MARCHF1: variants seen among roughly 807,000 people sequenced by gnomAD.
MARCHF1 encodes membrane associated ring-CH-type finger 1.
MARCHF1 carries 40 observed loss-of-function variants against 54.2 expected under a neutral mutation model. That is an observed-to-expected ratio of 0.74 (90% CI 0.57 to 0.96). The LOEUF is 0.96. Among genes scored for constraint, MARCHF1 ranks in the 40% least tolerant of loss-of-function variants. The pLI is 0.00. For missense variants in MARCHF1, 586 were observed against 656.5 expected (o/e 0.89, Z 1.17); for synonymous variants, 236 against 236.3 (o/e 1.00, Z 0.01).
intron 7 of MARCHF1, among the ~76,000 whole-genome samples, chr4:163,610,985 T>G (rs6854494): frequency 0.044 from 6,752 of 152,138 alleles, 490 homozygotes; most frequent in African/African-American, 0.15. Context: ...CTTTGAGCCT[T>G]AGCCTGCTTG....
intron 1 of MARCHF1, among the ~76,000 whole-genome samples, chr4:164,237,873 C>G (rs527473559): frequency 6.6e-6 from 1 of 151,786 alleles, no homozygotes; most frequent in South Asian, 2.1e-4. Flanking sequence ...AACCTACTAT[C>G]TGTATTAACA....
At chr4:164,297,478 G>A (rs1330186154) in intron 1 of MARCHF1, among the ~76,000 whole-genome samples, 1 of 152,084 alleles carries the variant, frequency 6.6e-6, no homozygotes, top group African/African-American at 2.4e-5. Flanking sequence ...CCCAAAATGG[G>A]AGACATGCTA....
At chr4:163,977,815 CTATAAA>C (rs1346294334) in intron 3 of MARCHF1, among the ~76,000 whole-genome samples, 2 of 152,132 alleles carry the variant, frequency 1.3e-5, no homozygotes, top group Non-Finnish European at 2.9e-5. Context: ...CAAAATAATC[CTATAAA>C]TATAAACTTT....
chr4:164,230,172 G>A (rs1363484294), intron 1 of MARCHF1, among the ~76,000 whole-genome samples: 1 of 152,078 alleles, frequency 6.6e-6, no homozygotes, highest in Non-Finnish European at 1.5e-5. Context: ...GAGGCAGGTG[G>A]ATCACCTGAG....
intron 8 of MARCHF1, among the ~76,000 whole-genome samples, chr4:163,566,820 G>T (rs991665902): frequency 2.6e-5 from 4 of 152,122 alleles, no homozygotes; most frequent in African/African-American, 9.7e-5. Flanking sequence ...TGGGAAATTC[G>T]CTAAAGAAAG....
At chr4:163,878,225 G>T (rs2111235964) in intron 3 of MARCHF1, among the ~76,000 whole-genome samples, 1 of 152,164 alleles carries the variant, frequency 6.6e-6, no homozygotes, top group Non-Finnish European at 1.5e-5. Context: ...TTTTAGTCTG[G>T]TGCGCAGCCA....
At chr4:163,882,233 G>C (rs1750431905) in intron 3 of MARCHF1, among the ~76,000 whole-genome samples, 1 of 152,198 alleles carries the variant, frequency 6.6e-6, no homozygotes, top group Admixed American at 6.5e-5. Context: ...ACAGGATTGT[G>C]TCTCTGGGAT....
intron 8 of MARCHF1, chr4:163,556,065 T>A: frequency 2.3e-6 from 1 of 435,866 alleles, no homozygotes; most frequent in South Asian, 1.6e-5. Flanking sequence ...AGCACTGAGT[T>A]GACTTACCCA....
At chr4:164,182,334 A>T (rs984417954) in intron 1 of MARCHF1, among the ~76,000 whole-genome samples, 1 of 152,038 alleles carries the variant, frequency 6.6e-6, no homozygotes, top group African/African-American at 2.4e-5. Context: ...AAATATTTCT[A>T]TAAAATATTT....
intron 1 of MARCHF1, among the ~76,000 whole-genome samples, chr4:164,132,942 G>C (rs561263997): frequency 3.8e-4 from 57 of 151,960 alleles, no homozygotes; most frequent in Non-Finnish European, 6.8e-4. Context: ...AATTTATCCA[G>C]CAAGAACATC....
intron 1 of MARCHF1, among the ~76,000 whole-genome samples, chr4:164,363,335 TTC>T (rs1730781142): frequency 6.6e-6 from 1 of 152,172 alleles, no homozygotes; most frequent in Non-Finnish European, 1.5e-5. Flanking sequence ...CTTCTTATCT[TTC>T]TGAGATAACT....
intron 1 of MARCHF1, among the ~76,000 whole-genome samples, chr4:164,241,345 A>C (rs2111209078): frequency 6.6e-6 from 1 of 152,232 alleles, no homozygotes; most frequent in South Asian, 2.1e-4. Context: ...TGCGATAATT[A>C]AGCTCTTTCT....
At chr4:164,340,757 C>T (rs1259452744) in intron 1 of MARCHF1, among the ~76,000 whole-genome samples, 2 of 151,632 alleles carry the variant, frequency 1.3e-5, no homozygotes, top group Non-Finnish European at 2.9e-5. Flanking sequence ...CAGGTTTCAC[C>T]ATGTTGCCCA....
At chr4:164,189,960 C>T in intron 1 of MARCHF1, 1 of 1,535,412 alleles carries the variant, frequency 6.5e-7, no homozygotes, top group Non-Finnish European at 9.0e-7. Context: ...TACCAATGAC[C>T]AGAATCACCT....
intron 2 of MARCHF1, among the ~76,000 whole-genome samples, chr4:164,039,434 A>G (rs1236284331): frequency 6.6e-6 from 1 of 152,168 alleles, no homozygotes; most frequent in Non-Finnish European, 1.5e-5. Context: ...AAAAGTGCAG[A>G]TGTCCTTAAT....
intron 4 of MARCHF1, among the ~76,000 whole-genome samples, chr4:163,825,221 AC>A (rs1482857281): frequency 6.6e-6 from 1 of 151,974 alleles, no homozygotes; most frequent in East Asian, 1.9e-4. Context: ...GGGTTAGTTC[AC>A]TTGAGATAAC....
chr4:163,976,219 G>C lies in MARCHF1; in HGVS notation c.-39+12282C>G, dbSNP rs187661196. 6.6e-5 allele frequency among the ~76,000 whole-genome samples: 10 copies of C among 152,212 alleles called. No individual in the cohort carries two copies. The East Asian group carries it at 1.7e-3, about 26-fold the overall frequency. On this transcript the variant is annotated intron_variant, in intron 3 of 9. Transcript: ENST00000514618. ...GAAGCTATGGTGGTCATCTAACGGGGCAAGTGTGTAGAGGACAAATAACTT... is the reference window on the plus strand; with the variant it reads ...GAAGCTATGGTGGTCATCTAACGGGCCAAGTGTGTAGAGGACAAATAACTT...
intron 3 of MARCHF1, chr4:163,933,184 G>A: frequency 1.3e-6 from 1 of 761,530 alleles, no homozygotes; most frequent in Non-Finnish European, 2.2e-6. Context: ...GTTTCTTAGA[G>A]ACAACCTAAC....
intron 4 of MARCHF1, among the ~76,000 whole-genome samples, chr4:163,743,392 C>A (rs1293524683): frequency 6.6e-6 from 1 of 152,090 alleles, no homozygotes; most frequent in Non-Finnish European, 1.5e-5. Flanking sequence ...CAGATTAAAC[C>A]CAACGAACAG....
Sources: gnomAD v4.1 joint callset for allele counts (sites outside exome capture counted in the v4.1 genomes callset) on GRCh38, gnomAD v4.1.1 for gene constraint, MANE v1.5 for transcripts, NCBI Gene and HGNC (gene_info 2026-07-23, HGNC 2026-07-21) for gene names.